Variants in TSHR observed in about 807,000 individuals in gnomAD.
TSHR encodes thyrotropin receptor.
TSHR carries 51 observed loss-of-function variants against 64.1 expected under a neutral mutation model. The observed-to-expected ratio is 0.80, with a 90% confidence interval of 0.64 to 1.01. The LOEUF (loss-of-function observed/expected upper bound fraction) is 1.01, where lower values mean the gene tolerates loss of function less well. Ranked by LOEUF, TSHR falls within the 50% of genes least tolerant of loss-of-function variation. The pLI, the probability that TSHR is intolerant of heterozygous loss-of-function variation, is 0.00. For synonymous variants in TSHR, 361 were observed against 361.9 expected (o/e 1.00, Z 0.03); for missense variants, 877 against 942.8 (o/e 0.93, Z 0.91).
At chr14:80,984,399 G>A (rs2284723) in intron 1 of TSHR, among the ~76,000 whole-genome samples, 20,113 of 152,168 alleles carry the variant, frequency 0.13, 1,732 homozygotes, top group East Asian at 0.43. Flanking sequence ...ACCATATTTT[G>A]CAAGTTTATT....
intron 1 of TSHR, chr14:81,013,175 C>G (rs1195943589): frequency 6.6e-6 from 1 of 152,192 alleles, no homozygotes; most frequent in Non-Finnish European, 1.5e-5. Flanking sequence ...GCCCGTTTTC[C>G]CAGCACCATT....
At chr14:81,139,981 G>A in intron 9 of TSHR, 114 bp downstream of exon 9, 3 of 1,371,438 alleles carry the variant, frequency 2.2e-6, no homozygotes, top group South Asian at 1.2e-5. Context: ...GAGGAAATTG[G>A]AAGCATCCAT....
At chr14:81,091,238 C>A in intron 5 of TSHR, 95 bp downstream of exon 5, 1 of 1,125,024 alleles carries the variant, frequency 8.9e-7, no homozygotes. Flanking sequence ...ATAAGTAAAG[C>A]AATTGTTTCA....
chr14:81,056,578 C>T (rs1188568001), intron 1 of TSHR, among the ~76,000 whole-genome samples: 1 of 151,894 alleles, frequency 6.6e-6, no homozygotes, highest in East Asian at 1.9e-4. Flanking sequence ...GAAATGAAAC[C>T]AAATTTAATA....
intron 2 of TSHR, among the ~76,000 whole-genome samples, chr14:81,063,266 C>G (rs1878023143): frequency 6.6e-6 from 1 of 152,118 alleles, no homozygotes; most frequent in Non-Finnish European, 1.5e-5. Flanking sequence ...TCCTTAGTCT[C>G]CTTTTCTGAC....
At chr14:81,058,384 C>G (rs1326858369) in intron 1 of TSHR, among the ~76,000 whole-genome samples, 1 of 152,218 alleles carries the variant, frequency 6.6e-6, no homozygotes, top group Non-Finnish European at 1.5e-5. Context: ...TATCTTTTCT[C>G]TCACATAATT....
At chr14:81,137,631 C>A (rs1390613679) in intron 8 of TSHR, among the ~76,000 whole-genome samples, 1 of 152,208 alleles carries the variant, frequency 6.6e-6, no homozygotes, top group Non-Finnish European at 1.5e-5. Flanking sequence ...AGAACAGAGA[C>A]AACCTATCCC....
At chr14:81,049,064 G>A (rs867829777) in intron 1 of TSHR, among the ~76,000 whole-genome samples, 2 of 152,086 alleles carry the variant, frequency 1.3e-5, no homozygotes, top group African/African-American at 2.4e-5. Context: ...TCTTAAAATT[G>A]TAGTTTCCAA....
At chr14:81,047,504 A>G (rs1885222313) in intron 1 of TSHR, among the ~76,000 whole-genome samples, 1 of 152,124 alleles carries the variant, frequency 6.6e-6, no homozygotes, top group African/African-American at 2.4e-5. Context: ...CACTGACAAC[A>G]CTTTGAAATT....
chr14:81,090,094 T>C (rs532916693), intron 4 of TSHR, among the ~76,000 whole-genome samples: 1 of 152,302 alleles, frequency 6.6e-6, no homozygotes, highest in Admixed American at 6.5e-5. Flanking sequence ...GCAACAAATG[T>C]TAAAACAACT....
intron 2 of TSHR, among the ~76,000 whole-genome samples, chr14:81,067,702 T>C (rs1015412722): frequency 1.3e-5 from 2 of 148,830 alleles, no homozygotes; most frequent in Non-Finnish European, 3.0e-5. Context: ...GTCTTGGACA[T>C]CTGTGTATTT....
chr14:81,096,615 T>A (rs778211139), intron 6 of TSHR, 24 bp from the exon 7 acceptor site: 1 of 1,611,938 alleles, frequency 6.2e-7, no homozygotes, highest in Non-Finnish European at 8.5e-7. Context: ...AGTCACTGAT[T>A]TCTCTTCTCT....
chr14:81,024,536 C>T lies in TSHR; in HGVS notation c.171-37612C>T, dbSNP rs532148982. Among the ~76,000 whole-genome samples, 16 of 152,226 alleles carry T rather than the reference C, an allele frequency of 1.1e-4. No individual in the cohort carries two copies. In the South Asian group the frequency reaches 1.9e-3, roughly 18 times the overall value. ...TGCTGGGATTACAGGCTTGGGCCAC[C>T]GTGCCTGGCCAGGTATGCCTTTCTT... On this transcript the variant is annotated intron_variant, in intron 1 of 9. Transcript: ENST00000298171.
At chr14:80,995,219 C>A (rs1888946651) in intron 1 of TSHR, 1 of 151,960 alleles carries the variant, frequency 6.6e-6, no homozygotes, top group Admixed American at 6.6e-5. Flanking sequence ...AAAAGAAATG[C>A]TTTTACCCTG....
chr14:81,092,790 A>G (rs1455930809), intron 6 of TSHR, among the ~76,000 whole-genome samples, 182 bp downstream of exon 6: 1 of 152,238 alleles, frequency 6.6e-6, no homozygotes, highest in Non-Finnish European at 1.5e-5. Context: ...ACTACAAAAC[A>G]GTTTAGGTAA....
At chr14:80,986,369 G>A (rs150016212) in intron 1 of TSHR, among the ~76,000 whole-genome samples, 1 of 152,166 alleles carries the variant, frequency 6.6e-6, no homozygotes, top group South Asian at 2.1e-4. Context: ...AATAAAATTA[G>A]ACATCAGTTT....
At chr14:81,127,117 T>G (rs1030111025) in intron 8 of TSHR, among the ~76,000 whole-genome samples, 2 of 152,210 alleles carry the variant, frequency 1.3e-5, no homozygotes, top group African/African-American at 4.8e-5. Context: ...TGGATTAAAT[T>G]TTTGAATAAA....
chr14:80,976,212 C>G (rs527975928), intron 1 of TSHR, among the ~76,000 whole-genome samples: 27 of 152,154 alleles, frequency 1.8e-4, no homozygotes, highest in Non-Finnish European at 3.7e-4. Context: ...CATTCTTAAA[C>G]GAAGCCCTCA....
At chr14:81,068,104 A>C in intron 2 of TSHR, 150 bp from the exon 3 acceptor site, 1 of 661,610 alleles carries the variant, frequency 1.5e-6, no homozygotes, top group South Asian at 1.8e-5. Context: ...AGTAGTAAGT[A>C]ATTTTAACAT....
Sources: gnomAD v4.1 joint callset for allele counts (sites outside exome capture counted in the v4.1 genomes callset) on GRCh38, gnomAD v4.1.1 for gene constraint, MANE v1.5 for transcripts, NCBI Gene and HGNC (gene_info 2026-07-23, HGNC 2026-07-21) for gene names.